ALMS1: variants seen among roughly 807,000 people sequenced by gnomAD.
ALMS1 encodes the protein ALMS1 centrosome and basal body associated protein.
ALMS1 carries 271 observed loss-of-function variants against 352.2 expected under a neutral mutation model. The ratio of observed to expected loss-of-function variants is 0.77; its 90% confidence interval spans 0.70 to 0.85. ALMS1 has a LOEUF of 0.85. Among genes scored for constraint, ALMS1 ranks in the 40% least tolerant of loss-of-function variants. ALMS1 has a pLI of 0.00. For synonymous variants in ALMS1, 1,865 were observed against 1,761.2 expected (o/e 1.06, Z -1.48); for missense variants, 5,445 against 4,870.7 (o/e 1.12, Z -3.51).
intron 9 of ALMS1, among the ~76,000 whole-genome samples, chr2:73,482,590 C>G (rs1208571173): frequency 2.0e-5 from 3 of 152,172 alleles, no homozygotes; most frequent in Non-Finnish European, 4.4e-5. Context: ...ATGCTGGCCT[C>G]ATAAAAAGAG....
chr2:73,524,716 G>C (rs969137127), intron 11 of ALMS1, among the ~76,000 whole-genome samples: 2 of 152,288 alleles, frequency 1.3e-5, no homozygotes, highest in African/African-American at 4.8e-5. Context: ...GCCTCCCAAA[G>C]TGCTGGATTA....
chr2:73,557,972 C>CA (rs1459035517), intron 14 of ALMS1, among the ~76,000 whole-genome samples: 1 of 152,214 alleles, frequency 6.6e-6, no homozygotes, highest in Admixed American at 6.5e-5. Flanking sequence ...GTTACTCTAA[C>CA]ATTTTTGGCC....
intron 13 of ALMS1, among the ~76,000 whole-genome samples, chr2:73,556,568 A>G (rs1674546572): frequency 6.6e-6 from 1 of 151,946 alleles, no homozygotes; most frequent in Non-Finnish European, 1.5e-5. Flanking sequence ...AACTTTGAAT[A>G]GGCCAAAGAA....
At chr2:73,601,749 G>T (rs1178043498) in intron 19 of ALMS1, among the ~76,000 whole-genome samples, 1 of 152,242 alleles carries the variant, frequency 6.6e-6, no homozygotes, top group African/African-American at 2.4e-5. Context: ...CCTGACGCTT[G>T]TGCGGCCTCA....
chr2:73,530,600 C>G (rs910545025), intron 11 of ALMS1, among the ~76,000 whole-genome samples: 1 of 152,166 alleles, frequency 6.6e-6, no homozygotes, highest in Admixed American at 6.5e-5. Context: ...GGATGGTGGC[C>G]CTCTTCTCAC....
At position 73,402,013 on chromosome 2, in the gene ALMS1, G is replaced by A. The variant is rs530472426; in HGVS notation, c.325-6609G>A. On this transcript the variant is annotated intron_variant, in intron 1 of 22. Coordinates refer to ENST00000613296, the MANE Select transcript of ALMS1 (RefSeq NM_001378454.1). Reference sequence around the variant, plus strand: ...AATATTCCTCCCCCTTCCCCTCCTCGTGTGTATGTGTGTGTGTGTTATGTG... The same window carrying A: ...AATATTCCTCCCCCTTCCCCTCCTCATGTGTATGTGTGTGTGTGTTATGTG... Among the ~76,000 whole-genome samples, 6 of 147,800 alleles carry A rather than the reference G, an allele frequency of 4.1e-5. No individual in the cohort carries two copies. The South Asian group carries it at 1.1e-3, about 26-fold the overall frequency.
intron 12 of ALMS1, among the ~76,000 whole-genome samples, chr2:73,546,910 A>T (rs1558689494): frequency 6.6e-6 from 1 of 152,190 alleles, no homozygotes; most frequent in Non-Finnish European, 1.5e-5. Flanking sequence ...TGCACTGGGC[A>T]TGGGAGAGAG....
chr2:73,599,024 C>A (rs1378637439), intron 16 of ALMS1, among the ~76,000 whole-genome samples: 1 of 152,142 alleles, frequency 6.6e-6, no homozygotes, highest in African/African-American at 2.4e-5. Context: ...CTCTTCAGTT[C>A]ATCACTCTTT....
intron 12 of ALMS1, among the ~76,000 whole-genome samples, chr2:73,537,701 C>T (rs559854721): frequency 1.3e-5 from 2 of 152,086 alleles, no homozygotes; most frequent in East Asian, 1.9e-4. Context: ...CCAGAGTTGG[C>T]GCATTGTATT....
At chr2:73,500,823 T>C (rs1034404806) in intron 10 of ALMS1, among the ~76,000 whole-genome samples, 2 of 152,186 alleles carry the variant, frequency 1.3e-5, no homozygotes, top group Non-Finnish European at 2.9e-5. Context: ...ATCTGCCTGC[T>C]TCTGTTATTT....
chr2:73,442,270 A>G (rs564468717), intron 7 of ALMS1, among the ~76,000 whole-genome samples: 3 of 152,150 alleles, frequency 2.0e-5, no homozygotes, highest in Non-Finnish European at 4.4e-5. Flanking sequence ...TGGATTAGGT[A>G]TGCACAATAT....
chr2:73,474,852 A>T (rs1672550964), intron 9 of ALMS1, among the ~76,000 whole-genome samples: 1 of 152,176 alleles, frequency 6.6e-6, no homozygotes, highest in African/African-American at 2.4e-5. Context: ...GTTTATTTAT[A>T]GAATTTTACA....
intron 10 of ALMS1, among the ~76,000 whole-genome samples, chr2:73,504,906 G>C (rs1238416258): frequency 1.3e-5 from 2 of 152,142 alleles, no homozygotes; most frequent in Admixed American, 1.3e-4. Context: ...ACAGGCCCCA[G>C]TGTGTGATGT....
intron 12 of ALMS1, among the ~76,000 whole-genome samples, chr2:73,539,858 A>AT (rs1269790160): frequency 6.6e-6 from 1 of 152,244 alleles, no homozygotes; most frequent in East Asian, 1.9e-4. Flanking sequence ...CCTCCAAGAA[A>AT]TATGAGACTA....
intron 16 of ALMS1, among the ~76,000 whole-genome samples, chr2:73,579,752 A>G (rs778342652): frequency 6.6e-6 from 1 of 152,050 alleles, no homozygotes; most frequent in African/African-American, 2.4e-5. Context: ...TTAGCAATTA[A>G]TTTTACCGAG....
intron 15 of ALMS1, among the ~76,000 whole-genome samples, chr2:73,561,655 A>C (rs946568637): frequency 1.4e-5 from 2 of 146,440 alleles, no homozygotes; most frequent in African/African-American, 2.8e-5. Context: ...TTGTTGCACA[A>C]CAATGTGAAT....
At position 73,435,550 on chromosome 2, in the gene ALMS1, G is replaced by C. The variant is rs200886495; in HGVS notation, c.1432+3259G>C. On this transcript the variant is annotated intron_variant, in intron 7 of 22. Coordinates refer to ENST00000613296, the MANE Select transcript of ALMS1 (RefSeq NM_001378454.1). ...ATAGCTCTATTCCCTCTTTTTTTTT[G>C]GTGCTATTATTGTTATACATACTAC... Among the ~76,000 whole-genome samples the C allele has an allele frequency of 6.7e-5, 9 of 135,174 alleles. No homozygotes were observed. The East Asian group carries it at 1.4e-3, about 20-fold the overall frequency. The allele number at this position is 135,174 out of a possible 152,430, so 88.7% of individuals were successfully genotyped here.
At chr2:73,454,554 T>G (rs1672020187) in intron 8 of ALMS1, among the ~76,000 whole-genome samples, 1 of 152,090 alleles carries the variant, frequency 6.6e-6, no homozygotes, top group South Asian at 2.1e-4. Flanking sequence ...GGTGTTGATC[T>G]CAGACATTTG....
At chr2:73,557,610 A>G (rs1302409870) in intron 14 of ALMS1, among the ~76,000 whole-genome samples, 1 of 152,192 alleles carries the variant, frequency 6.6e-6, no homozygotes, top group African/African-American at 2.4e-5. Flanking sequence ...AAATTAATCT[A>G]ATTTCCAGAA....
Sources: gnomAD v4.1 joint callset for allele counts (sites outside exome capture counted in the v4.1 genomes callset) on GRCh38, gnomAD v4.1.1 for gene constraint, MANE v1.5 for transcripts, NCBI Gene and HGNC (gene_info 2026-07-23, HGNC 2026-07-21) for gene names.